METTL16: variants seen among roughly 807,000 people sequenced by gnomAD.
METTL16 encodes methyltransferase 16, RNA N6-adenosine.
METTL16 carries 19 observed loss-of-function variants against 57.9 expected under a neutral mutation model. That is an observed-to-expected ratio of 0.33 (90% CI 0.23 to 0.48). The LOEUF (loss-of-function observed/expected upper bound fraction) is 0.48. Ranked by LOEUF, METTL16 falls within the 20% of genes least tolerant of loss-of-function variation. METTL16 has a pLI of 0.99. For synonymous variants in METTL16, 246 were observed against 255.6 expected, an observed-to-expected ratio of 0.96 and a Z score of 0.36; for missense variants, 434 against 691.5, an observed-to-expected ratio of 0.63 and a Z score of 4.18.
chr17:2,430,064 T>A (rs941236036), intron 8 of METTL16, among the ~76,000 whole-genome samples: 1 of 151,936 alleles, frequency 6.6e-6, no homozygotes, highest in African/African-American at 2.4e-5. Flanking sequence ...TCCACCTGCC[T>A]CGGCCTCCCA....
At chr17:2,455,642 C>G (rs2067104574) in intron 6 of METTL16, among the ~76,000 whole-genome samples, 1 of 152,064 alleles carries the variant, frequency 6.6e-6, no homozygotes, top group South Asian at 2.1e-4. Context: ...AAGCATCATA[C>G]CTGAGTTAAA....
chr17:2,473,392 C>A, intron 4 of METTL16, 132 bp downstream of exon 4: 1 of 915,354 alleles, frequency 1.1e-6, no homozygotes, highest in African/African-American at 1.7e-5. Context: ...AGACAGCAAA[C>A]CCAATTACAA....
At chr17:2,484,651 T>C (rs986889542) in intron 2 of METTL16, among the ~76,000 whole-genome samples, 1 of 152,150 alleles carries the variant, frequency 6.6e-6, no homozygotes, top group African/African-American at 2.4e-5. Flanking sequence ...TGTACCACCA[T>C]GCCCGGCTAA....
intron 8 of METTL16, among the ~76,000 whole-genome samples, chr17:2,423,015 AAAACACC>A (rs759095887): frequency 1.1e-4 from 17 of 152,240 alleles, no homozygotes; most frequent in Non-Finnish European, 2.1e-4. Context: ...TAAAAAAGAA[AAAACACC>A]AAGTCAGGTT....
chr17:2,465,810 G>A (rs929559532), intron 5 of METTL16, among the ~76,000 whole-genome samples: 3 of 151,774 alleles, frequency 2.0e-5, no homozygotes, highest in African/African-American at 4.8e-5. Context: ...AGGTTGCGGT[G>A]AGCAGAGATC....
intron 6 of METTL16, among the ~76,000 whole-genome samples, chr17:2,456,654 A>T (rs1018104737): frequency 6.6e-6 from 1 of 152,112 alleles, no homozygotes; most frequent in South Asian, 2.1e-4. Context: ...TTTTTTGTAG[A>T]CACAGAGTCT....
intron 8 of METTL16, among the ~76,000 whole-genome samples, chr17:2,425,837 C>G (rs1479674763): frequency 6.6e-6 from 1 of 152,060 alleles, no homozygotes; most frequent in African/African-American, 2.4e-5. Context: ...TAGGTGTGTG[C>G]CACCATGCCT....
intron 8 of METTL16, among the ~76,000 whole-genome samples, chr17:2,437,615 A>C (rs1197586547): frequency 1.3e-5 from 2 of 152,108 alleles, no homozygotes; most frequent in African/African-American, 4.8e-5. Context: ...GCAGTGGCAC[A>C]ATCTCAGCTC....
At chr17:2,491,839 C>T (rs1469767681) in intron 2 of METTL16, among the ~76,000 whole-genome samples, 2 of 135,762 alleles carry the variant, frequency 1.5e-5, no homozygotes, top group African/African-American at 2.8e-5. Flanking sequence ...CGCGCCACTG[C>T]ACTCCAGCCT....
chr17:2,491,679 T>G (rs187103745), intron 2 of METTL16, among the ~76,000 whole-genome samples: 1,701 of 151,060 alleles, frequency 0.011, 31 homozygotes, highest in African/African-American at 0.039. Flanking sequence ...ATGGAGACCA[T>G]CCTGGCTAAC....
intron 2 of METTL16, among the ~76,000 whole-genome samples, chr17:2,491,854 G>C (rs180810036): frequency 3.3e-5 from 4 of 121,850 alleles, no homozygotes; most frequent in Non-Finnish European, 6.5e-5. Flanking sequence ...CAGCCTGGGC[G>C]ACAGAGCGAG....
At chr17:2,494,907 G>T (rs1181100337) in intron 2 of METTL16, among the ~76,000 whole-genome samples, 1 of 151,784 alleles carries the variant, frequency 6.6e-6, no homozygotes, top group Admixed American at 6.6e-5. Flanking sequence ...CTGAGGCAGA[G>T]GAATCGTTTG....
intron 2 of METTL16, among the ~76,000 whole-genome samples, chr17:2,488,220 T>C (rs945477177): frequency 8.6e-5 from 13 of 151,938 alleles, no homozygotes; most frequent in African/African-American, 2.9e-4. Context: ...ATAAAGCAAA[T>C]GTGGTATATA....
At chr17:2,469,180 T>C (rs2067221136) in intron 4 of METTL16, among the ~76,000 whole-genome samples, 1 of 152,022 alleles carries the variant, frequency 6.6e-6, no homozygotes. Flanking sequence ...GAGGTTGCAG[T>C]GAGCAGCAGA....
chr17:2,452,257 G>A (rs1019899326), intron 6 of METTL16, among the ~76,000 whole-genome samples: 17 of 152,076 alleles, frequency 1.1e-4, no homozygotes, highest in Admixed American at 2.0e-4. Context: ...ATAGACACTC[G>A]GGAGGGAGTT....
chr17:2,427,796 A>G (rs8077068), intron 8 of METTL16, among the ~76,000 whole-genome samples: 116,948 of 151,794 alleles, frequency 0.77, 46,114 homozygotes, highest in East Asian at 0.98. Flanking sequence ...GTAAAAACCC[A>G]CAGATGTGAA....
intron 4 of METTL16, among the ~76,000 whole-genome samples, chr17:2,470,472 G>A (rs1233818215): frequency 6.6e-6 from 1 of 152,192 alleles, no homozygotes; most frequent in Non-Finnish European, 1.5e-5. Flanking sequence ...GCACAAGTCT[G>A]TGAATGACCA....
chr17:2,490,186 T>A (rs934282580), intron 2 of METTL16, among the ~76,000 whole-genome samples: 1 of 152,148 alleles, frequency 6.6e-6, no homozygotes, highest in Non-Finnish European at 1.5e-5. Flanking sequence ...GGTGGAGACT[T>A]CCTTCACCTC....
rs2067128502 is a variant in METTL16, at chr17:2,458,732, T to A, written c.728+5476A>T. Among the ~76,000 whole-genome samples the A allele has an allele frequency of 2.0e-5, 3 of 151,706 alleles. No individual in the cohort carries two copies. In the South Asian group the frequency reaches 6.3e-4, roughly 32 times the overall value. On this transcript the variant is annotated intron_variant, in intron 6 of 9. Coordinates refer to ENST00000263092, the MANE Select transcript of METTL16 (RefSeq NM_024086.4). ...GACACACACACACATACACACACACTCACACACAATTCAGGCCATGAGGAG... is the reference window on the plus strand; with the variant it reads ...GACACACACACACATACACACACACACACACACAATTCAGGCCATGAGGAG...
Sources: gnomAD v4.1 joint callset for allele counts (sites outside exome capture counted in the v4.1 genomes callset) on GRCh38, gnomAD v4.1.1 for gene constraint, MANE v1.5 for transcripts, NCBI Gene and HGNC (gene_info 2026-07-23, HGNC 2026-07-21) for gene names.